Variants in PBX1 observed in about 807,000 individuals in gnomAD.
The protein encoded by PBX1 is PBX homeobox 1.
PBX1 carries 6 observed loss-of-function variants against 53.4 expected under a neutral mutation model. The observed-to-expected ratio is 0.11, with a 90% confidence interval of 0.06 to 0.22. The LOEUF (loss-of-function observed/expected upper bound fraction) is 0.22, where lower values mean the gene tolerates loss of function less well. Ranked by LOEUF, PBX1 falls within the 10% of genes least tolerant of loss-of-function variation. PBX1 has a pLI of 1.00. For missense variants in PBX1, 251 were observed against 551.4 expected, an observed-to-expected ratio of 0.46 and a Z score of 5.46; for synonymous variants, 204 against 212.3, an observed-to-expected ratio of 0.96 and a Z score of 0.34.
intron 2 of PBX1, among the ~76,000 whole-genome samples, chr1:164,700,119 A>ATAAT (rs1663032369): frequency 1.3e-5 from 2 of 152,120 alleles, no homozygotes; most frequent in Non-Finnish European, 2.9e-5. Flanking sequence ...GGTGTGCTTA[A>ATAAT]CCCTTGGCAT....
At chr1:164,841,731 G>C (rs985690332) in intron 8 of PBX1, among the ~76,000 whole-genome samples, 1 of 152,132 alleles carries the variant, frequency 6.6e-6, no homozygotes, top group Non-Finnish European at 1.5e-5. Flanking sequence ...TGCTGTGTGA[G>C]CTGATGTCTC....
At chr1:164,702,689 G>A (rs1425410341) in intron 2 of PBX1, among the ~76,000 whole-genome samples, 5 of 151,086 alleles carry the variant, frequency 3.3e-5, no homozygotes, top group African/African-American at 9.7e-5. Context: ...AATGAAAGGG[G>A]GAGGTGGTTG....
intron 2 of PBX1, among the ~76,000 whole-genome samples, chr1:164,721,013 T>C (rs2102105320): frequency 6.6e-6 from 1 of 152,322 alleles, no homozygotes. Flanking sequence ...TGTCAGGATA[T>C]CTTTGGTAGG....
chr1:164,850,588 A>G lies in PBX1; in HGVS notation c.*3912A>G, dbSNP rs1215621908. 9.4e-5 allele frequency: 18 copies of G among 192,250 alleles called. No homozygotes were observed. 11.9% of individuals were successfully genotyped at this position (192,250 alleles called of 1,614,324 possible). A position where few individuals can be genotyped will look rare whatever the true frequency, so the allele number is the denominator to read the frequency against. On this transcript the variant is annotated 3_prime_UTR_variant, in exon 9 of 9. Coordinates refer to ENST00000420696, the MANE Select transcript of PBX1 (RefSeq NM_002585.4). ...TATGTATACAAGGTGATGTGAAAAG[A>G]TGACTTGGGCAGAGGAGTAAGAACA...
intron 8 of PBX1, chr1:164,831,554 A>T (rs966353553): frequency 1.3e-5 from 2 of 152,012 alleles, no homozygotes; most frequent in Admixed American, 6.6e-5. Context: ...ATGCCCAGCT[A>T]ATTTTTTGTA....
At chr1:164,700,343 G>A in intron 2 of PBX1, 1 of 525,590 alleles carries the variant, frequency 1.9e-6, no homozygotes. Flanking sequence ...GAATGTGCCA[G>A]GATTGCTGGG....
chr1:164,606,626 A>G (rs1257219172), intron 2 of PBX1, among the ~76,000 whole-genome samples: 2 of 152,182 alleles, frequency 1.3e-5, no homozygotes, highest in Non-Finnish European at 2.9e-5. Flanking sequence ...CCGATGTCGT[A>G]TTTGCTTATT....
intron 6 of PBX1, chr1:164,813,947 T>G (rs1367783392): frequency 6.6e-6 from 1 of 152,260 alleles, no homozygotes; most frequent in Non-Finnish European, 1.5e-5. Context: ...GTGACTATTC[T>G]GAGCACAAAG....
At chr1:164,859,539 C>G (rs1316020762) in intron 2 of PBX1, among the ~76,000 whole-genome samples, 1 of 152,194 alleles carries the variant, frequency 6.6e-6, no homozygotes, top group East Asian at 1.9e-4. Flanking sequence ...TTCAGATTGT[C>G]TAGACTCCCT....
At chr1:164,632,732 G>A (rs1343073744) in intron 2 of PBX1, among the ~76,000 whole-genome samples, 6 of 152,040 alleles carry the variant, frequency 3.9e-5, no homozygotes, top group African/African-American at 1.2e-4. Flanking sequence ...TCAGTGGTAC[G>A]GACACATTGG....
intron 2 of PBX1, among the ~76,000 whole-genome samples, chr1:164,613,613 C>T (rs1447559585): frequency 1.3e-5 from 2 of 152,150 alleles, no homozygotes; most frequent in Non-Finnish European, 2.9e-5. Flanking sequence ...CACGTGGGGG[C>T]CCAGAGCTCT....
chr1:164,601,352 A>G (rs1656161996), intron 2 of PBX1, among the ~76,000 whole-genome samples: 1 of 151,952 alleles, frequency 6.6e-6, no homozygotes, highest in East Asian at 1.9e-4. Context: ...AGAAACTGCT[A>G]TGATTTTGAT....
At chr1:164,801,047 C>A (rs1173099950) in intron 4 of PBX1, among the ~76,000 whole-genome samples, 1 of 151,998 alleles carries the variant, frequency 6.6e-6, no homozygotes, top group Non-Finnish European at 1.5e-5. Flanking sequence ...GCCCTGGCAT[C>A]TTTTTTCCTC....
At chr1:164,871,009 A>T (rs1212914369) in intron 2 of PBX1, among the ~76,000 whole-genome samples, 1 of 152,124 alleles carries the variant, frequency 6.6e-6, no homozygotes, top group East Asian at 1.9e-4. Context: ...CTAGTTTTAT[A>T]ATCATTATTT....
At chr1:164,690,304 G>A (rs1180963195) in intron 2 of PBX1, among the ~76,000 whole-genome samples, 2 of 152,132 alleles carry the variant, frequency 1.3e-5, no homozygotes, top group Non-Finnish European at 2.9e-5. Context: ...AGGGTTGGTG[G>A]GGAAGAATAG....
intron 8 of PBX1, among the ~76,000 whole-genome samples, chr1:164,838,043 CA>C (rs1327496749): frequency 6.6e-6 from 1 of 152,084 alleles, no homozygotes; most frequent in Non-Finnish European, 1.5e-5. Flanking sequence ...ATGTATTATA[CA>C]AGCGCACTTT....
At chr1:164,618,302 G>GGT (rs1553217625) in intron 2 of PBX1, among the ~76,000 whole-genome samples, 8 of 147,830 alleles carry the variant, frequency 5.4e-5, no homozygotes, top group African/African-American at 1.0e-4. Flanking sequence ...CACGGCGGGG[G>GGT]GGGGGGGGCA....
intron 2 of PBX1, among the ~76,000 whole-genome samples, chr1:164,862,696 T>C (rs1463566007): frequency 6.6e-6 from 1 of 152,100 alleles, no homozygotes; most frequent in Non-Finnish European, 1.5e-5. Context: ...GTATAGGGCT[T>C]CATCTGCTGC....
chr1:164,776,899 TTGTGTGTG>T (rs368787176), intron 2 of PBX1, among the ~76,000 whole-genome samples: 9,254 of 96,806 alleles, frequency 0.096, 839 homozygotes, highest in African/African-American at 0.23. Context: ...GGTTTTACAT[TTGTGTGTG>T]TGTGTGTGTG....
Sources: gnomAD v4.1 joint callset for allele counts (sites outside exome capture counted in the v4.1 genomes callset) on GRCh38, gnomAD v4.1.1 for gene constraint, MANE v1.5 for transcripts, NCBI Gene and HGNC (gene_info 2026-07-23, HGNC 2026-07-21) for gene names.